OR1L3: variants seen among roughly 807,000 people sequenced by gnomAD.
OR1L3 encodes the protein olfactory receptor 1L3.
For synonymous variants in OR1L3, 137 were observed against 144.5 expected (o/e 0.95, Z 0.37); for missense variants, 374 against 386.4 (o/e 0.97, Z 0.27).
chr9:122,675,319 A>C lies in OR1L3; in HGVS notation c.190A>C (p.Ser64Arg), dbSNP rs1317794517. ...RLQNPMYFFL[S>R]ILSFADICYT... ...TCAAAACCCTATGTATTTTTTCCTA[A>C]GCATCTTGTCCTTTGCTGATATTTG... Residue 64 changes from serine to arginine, a missense_variant, in exon 1 of 1, where the codon AGC becomes CGC. Physicochemically the swap from Ser to Arg is moderately radical, Grantham distance 110. Transcript: ENST00000304820. The C allele has an allele frequency of 1.9e-6, 3 of 1,613,992 alleles. No individual in the cohort carries two copies. Among genetic ancestry groups the C allele is most frequent in the African/African-American group, 2.7e-5 (2 of 74,910 alleles).
In OR1L3 at chr9:122,675,425, C is replaced by T. The variant is rs1162891620; in HGVS notation, c.296C>T (p.Ala99Val). Residue 99 changes from alanine (A) to valine (V), a missense_variant, in exon 1 of 1, where the codon GCA becomes GTA. Transcript: ENST00000304820. ...KKTISYAECL[A>V]QMYFFLVFGN... is the part of the protein sequence containing the mutation. ...ACCATTTCCTATGCTGAATGTCTGG[C>T]ACAGATGTATTTCTTCCTGGTTTTT... is the stretch of plus-strand genomic sequence containing the variant. 3 of 1,614,064 alleles carry T rather than the reference C, an allele frequency of 1.9e-6. No homozygotes were observed. The African/African-American group carries it at 4.0e-5, about 22-fold the overall frequency.
chr9:122,675,775 A>C lies in OR1L3; in HGVS notation c.646A>C (p.Ile216Leu), dbSNP rs1306856286. Residue 216 changes from isoleucine to leucine, a missense_variant, in exon 1 of 1, where the codon ATC (isoleucine) becomes CTC (leucine). Coordinates refer to ENST00000304820, the MANE Select transcript of OR1L3 (RefSeq NM_001005234.1). Reference sequence around the variant, plus strand: ...GATGGCTCCATTTGTCTGTATCATCATCTCTTATCTAAGAATTCTCATCGC... The same window carrying C: ...GATGGCTCCATTTGTCTGTATCATCCTCTCTTATCTAAGAATTCTCATCGC... ...SVMAPFVCII[I>L]SYLRILIAVL... The C allele has an allele frequency of 6.2e-7, 1 of 1,613,998 alleles. No homozygotes were observed. Among genetic ancestry groups the C allele is most frequent in the African/African-American group, 1.3e-5 (1 of 74,884 alleles).
In OR1L3 at chr9:122,675,276, C is replaced by T. The variant is rs1376352475; in HGVS notation, c.147C>T (p.Ile49=). 6 of 1,614,188 alleles carry T rather than the reference C, an allele frequency of 3.7e-6. No individual in the cohort carries two copies. In the Admixed American group the frequency reaches 6.7e-5, roughly 18 times the overall value. The part of the protein sequence containing the change: ...LMGNLLIILA[I]HSDPRLQNPM... ...GAAATCTGCTCATCATCTTGGCTAT[C>T]CACTCTGATCCTCGACTTCAAAACC... The change falls in exon 1 of 1, where the codon ATC becomes ATT. Residue 49 remains isoleucine (I), a synonymous_variant. Transcript: ENST00000304820.
Position 122,675,656 on chromosome 9 carries a change from ATTT to A in OR1L3, c.533_535del (p.Phe178del). On this transcript the variant is annotated inframe_deletion, in exon 1 of 1. Transcript: ENST00000304820. ...TTTTGTACATCAAATGTTATCCATC[ATTT>A]TTTTTGTGATGTCAACCCTGTGCTG... The A allele has an allele frequency of 1.2e-6, 2 of 1,613,652 alleles. No homozygotes were observed. Among genetic ancestry groups the A allele is most frequent in the Non-Finnish European group, 1.7e-6 (2 of 1,179,876 alleles).
chr9:122,675,799 G>T lies in OR1L3; in HGVS notation c.670G>T (p.Ala224Ser). The T allele has an allele frequency of 6.2e-7, 1 of 1,614,068 alleles. No homozygotes were observed. The highest frequency in any genetic ancestry group is 8.5e-7 in the Non-Finnish European group (1 of 1,180,026). ...IIISYLRILI[A>S]VLKIPSAAGK... ...CATCTCTTATCTAAGAATTCTCATCGCTGTTCTCAAGATTCCCTCAGCAGC... is the reference window on the plus strand; with the variant it reads ...CATCTCTTATCTAAGAATTCTCATCTCTGTTCTCAAGATTCCCTCAGCAGC... The change falls in exon 1 of 1, where the codon GCT becomes TCT. Residue 224 changes from alanine (A) to serine (S), a missense_variant. Transcript: ENST00000304820.
chr9:122,676,023 G>T lies in OR1L3; in HGVS notation c.894G>T (p.Arg298=). The change falls in exon 1 of 1, where the codon CGG becomes CGT. Residue 298 remains arginine, a synonymous_variant. Transcript: ENST00000304820. Reference sequence around the variant, plus strand: ...GTTTAAGAAACAAAGACATGAAACGGGGCTTACAGAAATTGATAAACAAGA... The same window carrying T: ...GTTTAAGAAACAAAGACATGAAACGTGGCTTACAGAAATTGATAAACAAGA... The part of the protein sequence containing the change: ...IYSLRNKDMK[R]GLQKLINKIK... 1 of 1,612,852 alleles carries T rather than the reference G, an allele frequency of 6.2e-7. No individual in the cohort carries two copies. Among genetic ancestry groups the T allele is most frequent in the East Asian group, 2.2e-5 (1 of 44,872 alleles).
chr9:122,675,720 T>C lies in OR1L3; in HGVS notation c.591T>C (p.Ile197=). Residue 197 remains isoleucine (I), a synonymous_variant, in exon 1 of 1, where the codon ATT becomes ATC. Coordinates refer to ENST00000304820, the MANE Select transcript of OR1L3 (RefSeq NM_001005234.1). Reference sequence around the variant, plus strand: ...GCTCCTCCACCTTTGTCAATGAAATTGTGGCCATGACAGAAGGGCTGGCCT... The same window carrying C: ...GCTCCTCCACCTTTGTCAATGAAATCGTGGCCATGACAGAAGGGCTGGCCT... The part of the protein sequence containing the change: ...LSCSSTFVNE[I]VAMTEGLASV... 6.2e-7 allele frequency: 1 copy of C among 1,614,206 alleles called. No individual in the cohort carries two copies. Among genetic ancestry groups the C allele is most frequent in the Non-Finnish European group, 8.5e-7 (1 of 1,180,040 alleles).
At position 122,676,044 on chromosome 9, in the gene OR1L3, C is replaced by T. The variant is rs150477897; in HGVS notation, c.915C>T (p.Asn305=). The change falls in exon 1 of 1, where the codon AAC becomes AAT. Residue 305 remains asparagine (N), a synonymous_variant. Transcript: ENST00000304820. ...AACGGGGCTTACAGAAATTGATAAA[C>T]AAGATTAAGTCTCAAATGAGTAGGT... is the stretch of plus-strand genomic sequence containing the variant. The part of the protein sequence containing the change: ...DMKRGLQKLI[N]KIKSQMSRFS... 1.1e-5 allele frequency: 18 copies of T among 1,609,130 alleles called. No individual in the cohort carries two copies. The African/African-American group carries it at 2.3e-4, about 20-fold the overall frequency.
rs112274623 is a variant in OR1L3 at position 122,675,593 on chromosome 9, A to T, written c.464A>T (p.His155Leu). 1,044 of 1,613,044 alleles carry T rather than the reference A, an allele frequency of 6.5e-4. 5 individuals carry two copies. In the African/African-American group the frequency reaches 0.012, roughly 19 times the overall value. ...LAFPITFSYFHSLLHVLLVNR... is the reference protein window; with the variant it reads ...LAFPITFSYFLSLLHVLLVNR... Reference sequence around the variant, plus strand: ...TTCCCCATCACTTTCTCCTATTTCCACTCTCTCCTACATGTCCTCCTGGTG... The same window carrying T: ...TTCCCCATCACTTTCTCCTATTTCCTCTCTCTCCTACATGTCCTCCTGGTG... Residue 155 changes from histidine (H) to leucine (L), a missense_variant, in exon 1 of 1, where the codon CAC becomes CTC. By Grantham distance (99) the His-to-Leu change is moderately conservative. Transcript: ENST00000304820.
At position 122,675,985 on chromosome 9, in the gene OR1L3, C is replaced by A. The variant is rs377450096; in HGVS notation, c.856C>A (p.Pro286Thr). 163 of 1,613,944 alleles carry A rather than the reference C, an allele frequency of 1.0e-4. No individual in the cohort carries two copies. The highest frequency in any genetic ancestry group is 1.3e-4 in the Non-Finnish European group (154 of 1,180,020). Residue 286 changes from proline (P) to threonine (T), a missense_variant, in exon 1 of 1, where the codon CCA becomes ACA. By Grantham distance (38) the Pro-to-Thr change is conservative. Transcript: ENST00000304820. Reference protein sequence around the residue: ...NYTVLTSVLNPFIYSLRNKDM... With the variant: ...NYTVLTSVLNTFIYSLRNKDM... ...CACTGTGTTGACATCAGTGTTGAAC[C>A]CATTTATCTACAGTTTAAGAAACAA...
In OR1L3 at chr9:122,675,320, G is replaced by A. The variant is rs1482330499; in HGVS notation, c.191G>A (p.Ser64Asn). 8 of 1,613,940 alleles carry A rather than the reference G, an allele frequency of 5.0e-6. No homozygotes were observed. Among genetic ancestry groups the A allele is most frequent in the Non-Finnish European group, 6.8e-6 (8 of 1,180,016 alleles). The change falls in exon 1 of 1, where the codon AGC (serine) becomes AAC (asparagine). Residue 64 changes from serine (S) to asparagine (N), a missense_variant. By Grantham distance (46) the Ser-to-Asn change is conservative (BLOSUM62 1). Coordinates refer to ENST00000304820, the MANE Select transcript of OR1L3 (RefSeq NM_001005234.1). Reference protein sequence around the residue: ...RLQNPMYFFLSILSFADICYT... With the variant: ...RLQNPMYFFLNILSFADICYT... ...CAAAACCCTATGTATTTTTTCCTAA[G>A]CATCTTGTCCTTTGCTGATATTTGC...
Position 122,675,541 on chromosome 9 carries a change from C to T in OR1L3, c.412C>T (p.Arg138Cys), listed in dbSNP as rs61480152. 3.3e-3 allele frequency: 5,312 copies of T among 1,614,140 alleles called. 135 individuals carry two copies. The African/African-American group carries it at 0.056, about 17-fold the overall frequency. ...NPFHYVTVMN[R>C]RCCVLLLAFP... ...ATTCCATTATGTCACTGTTATGAAC[C>T]GCAGATGCTGTGTGTTGCTACTAGC... The change falls in exon 1 of 1, where the codon CGC (arginine) becomes TGC (cysteine). Residue 138 changes from arginine (R) to cysteine (C), a missense_variant. Arg to Cys is a radical substitution (Grantham distance 180). Transcript: ENST00000304820.
rs747801263 is a variant in OR1L3 at position 122,675,525 on chromosome 9, T to C, written c.396T>C (p.Tyr132=). 28 of 1,614,122 alleles carry C rather than the reference T, an allele frequency of 1.7e-5. No individual in the cohort carries two copies. Among genetic ancestry groups the C allele is most frequent in the Non-Finnish European group, 4.2e-6 (5 of 1,180,042 alleles). Residue 132 remains tyrosine (Y), a synonymous_variant, in exon 1 of 1, where the codon TAT becomes TAC. Transcript: ENST00000304820. The part of the protein sequence containing the change: ...RCVAICNPFH[Y]VTVMNRRCCV... ...TAGCCATTTGTAACCCATTCCATTA[T>C]GTCACTGTTATGAACCGCAGATGCT...
chr9:122,676,007 A>C lies in OR1L3; in HGVS notation c.878A>C (p.Asn293Thr). 1 of 1,613,992 alleles carries C rather than the reference A, an allele frequency of 6.2e-7. No individual in the cohort carries two copies. The change falls in exon 1 of 1, where the codon AAC becomes ACC. Residue 293 changes from asparagine to threonine, a missense_variant. By Grantham distance (65) the Asn-to-Thr change is moderately conservative. Transcript: ENST00000304820. Reference sequence around the variant, plus strand: ...AACCCATTTATCTACAGTTTAAGAAACAAAGACATGAAACGGGGCTTACAG... The same window carrying C: ...AACCCATTTATCTACAGTTTAAGAACCAAAGACATGAAACGGGGCTTACAG... The part of the protein sequence containing the change: ...VLNPFIYSLR[N>T]KDMKRGLQKL...
Position 122,675,384 on chromosome 9 carries a change from C to T in OR1L3, c.255C>T (p.Phe85=). Reference sequence around the variant, plus strand: ...TAGTCCCAAAGATGCTCGTGAACTTCTTATCAGAGAAAAAGACCATTTCCT... The same window carrying T: ...TAGTCCCAAAGATGCTCGTGAACTTTTTATCAGAGAAAAAGACCATTTCCT... ...TVIVPKMLVN[F]LSEKKTISYA... is the part of the protein sequence containing the mutation. The change falls in exon 1 of 1, where the codon TTC becomes TTT. Residue 85 remains phenylalanine, a synonymous_variant. Transcript: ENST00000304820. 1.2e-6 allele frequency: 2 copies of T among 1,614,206 alleles called. No homozygotes were observed. The highest frequency in any genetic ancestry group is 8.5e-7 in the Non-Finnish European group (1 of 1,180,024).
In OR1L3 at chr9:122,675,736, G is replaced by A. The variant is rs372859325; in HGVS notation, c.607G>A (p.Gly203Arg). The change falls in exon 1 of 1, where the codon GGG becomes AGG. Residue 203 changes from glycine to arginine, a missense_variant. Coordinates refer to ENST00000304820, the MANE Select transcript of OR1L3 (RefSeq NM_001005234.1). ...FVNEIVAMTE[G>R]LASVMAPFVC... ...CAATGAAATTGTGGCCATGACAGAA[G>A]GGCTGGCCTCTGTGATGGCTCCATT... 27 of 1,614,000 alleles carry A rather than the reference G, an allele frequency of 1.7e-5. No homozygotes were observed. The African/African-American group carries it at 3.3e-4, about 20-fold the overall frequency.
Position 122,675,958 on chromosome 9 carries a change from T to C in OR1L3, c.829T>C (p.Tyr277His). 1 of 1,614,150 alleles carries C rather than the reference T, an allele frequency of 6.2e-7. No homozygotes were observed. Among genetic ancestry groups the C allele is most frequent in the Non-Finnish European group, 8.5e-7 (1 of 1,180,014 alleles). ...CAAGGACCGAATAGCAACAATCAAC[T>C]ACACTGTGTTGACATCAGTGTTGAA... ...TVKDRIATIN[Y>H]TVLTSVLNPF... Residue 277 changes from tyrosine to histidine, a missense_variant, in exon 1 of 1, where the codon TAC (tyrosine) becomes CAC (histidine). Transcript: ENST00000304820.
rs137858464 is a variant in OR1L3, at chr9:122,675,290, G to A, written c.161G>A (p.Arg54Gln). 9.7e-4 allele frequency: 1,559 copies of A among 1,614,104 alleles called. 2 individuals are homozygous for A. The highest frequency in any genetic ancestry group is 3.2e-3 in the African/African-American group (241 of 75,014). The change falls in exon 1 of 1, where the codon CGA becomes CAA. Residue 54 changes from arginine (R) to glutamine (Q), a missense_variant. Physicochemically the swap from Arg to Gln is conservative, Grantham distance 43. Coordinates refer to ENST00000304820, the MANE Select transcript of OR1L3 (RefSeq NM_001005234.1). Reference protein sequence around the residue: ...LIILAIHSDPRLQNPMYFFLS... With the variant: ...LIILAIHSDPQLQNPMYFFLS... ...ATCTTGGCTATCCACTCTGATCCTC[G>A]ACTTCAAAACCCTATGTATTTTTTC...
In OR1L3 at chr9:122,675,905, A is replaced by G. The variant is rs774514841; in HGVS notation, c.776A>G (p.Tyr259Cys). Reference sequence around the variant, plus strand: ...TTTTATGGGAGTATTAGCTATGTCTATTTGCAGCCTTTGTCCAGCTATACT... The same window carrying G: ...TTTTATGGGAGTATTAGCTATGTCTGTTTGCAGCCTTTGTCCAGCTATACT... ...ILFYGSISYV[Y>C]LQPLSSYTVK... Residue 259 changes from tyrosine (Y) to cysteine (C), a missense_variant, in exon 1 of 1, where the codon TAT becomes TGT. Physicochemically the swap from Tyr to Cys is radical, Grantham distance 194. Transcript: ENST00000304820. The G allele has an allele frequency of 1.6e-5, 26 of 1,613,972 alleles. No homozygotes were observed. The highest frequency in any genetic ancestry group is 2.0e-5 in the Non-Finnish European group (24 of 1,180,014).
Sources: gnomAD v4.1 joint callset for allele counts on GRCh38, gnomAD v4.1.1 for gene constraint, MANE v1.5 for transcripts, NCBI Gene and HGNC (gene_info 2026-07-23, HGNC 2026-07-21) for gene names.